The following PDSS1 variants were observed in gnomAD, a reference collection of about 807,000 sequenced individuals.
The protein encoded by PDSS1 is all trans-polyprenyl-diphosphate synthase PDSS1.
PDSS1 carries 43 observed loss-of-function variants against 57.5 expected under a neutral mutation model. The ratio of observed to expected loss-of-function variants is 0.75; its 90% confidence interval spans 0.59 to 0.96. PDSS1 has a LOEUF of 0.96. PDSS1 is among the 50% of genes least tolerant of loss of function. The pLI, the probability that PDSS1 is intolerant of heterozygous loss-of-function variation, is 0.00. For synonymous variants in PDSS1, 175 were observed against 191.3 expected, an observed-to-expected ratio of 0.91 and a Z score of 0.70; for missense variants, 438 against 527.8, an observed-to-expected ratio of 0.83 and a Z score of 1.67.
chr10:26,726,332 A>G (rs1835947205), intron 8 of PDSS1, among the ~76,000 whole-genome samples: 1 of 152,186 alleles, frequency 6.6e-6, no homozygotes, highest in South Asian at 2.1e-4. Flanking sequence ...CCTCCTTTTC[A>G]TGTGGTTTAT....
chr10:26,706,114 C>T (rs950459499), intron 4 of PDSS1, among the ~76,000 whole-genome samples: 4 of 152,208 alleles, frequency 2.6e-5, no homozygotes, highest in Non-Finnish European at 4.4e-5. Flanking sequence ...TAGTTCCCAA[C>T]CTCACGTGGT....
At chr10:26,739,607 T>C (rs919379930) in intron 10 of PDSS1, among the ~76,000 whole-genome samples, 1 of 152,238 alleles carries the variant, frequency 6.6e-6, no homozygotes, top group Non-Finnish European at 1.5e-5. Flanking sequence ...AAAAAGCTTA[T>C]ACATCATAAA....
intron 8 of PDSS1, among the ~76,000 whole-genome samples, chr10:26,728,772 ATCTTTTTT>A (rs1017932952): frequency 7.6e-5 from 6 of 79,168 alleles, no homozygotes; most frequent in African/African-American, 2.9e-4. Context: ...TTTATTCTGT[ATCTTTTTT>A]TTTTTTTTTT....
intron 5 of PDSS1, 88 bp from the exon 6 acceptor site, chr10:26,720,130 C>A: frequency 1.3e-6 from 2 of 1,585,408 alleles, no homozygotes; most frequent in East Asian, 2.3e-5. Context: ...CATTCTTTAT[C>A]CTAGATCCGA....
In PDSS1 at chr10:26,702,152, G is replaced by T. The variant is rs551306397; in HGVS notation, c.130-10G>T. The T allele has an allele frequency of 1.1e-3, 500 of 456,226 alleles. 2 individuals carry two copies. Among genetic ancestry groups the T allele is most frequent in the Non-Finnish European group, 1.8e-3 (406 of 226,384 alleles). 28.3% of individuals were successfully genotyped at this position (456,226 alleles called of 1,614,324 possible). The stretch of plus-strand genomic sequence containing the variant: ...CTTGGATGTAACGTAACTTGTTTTT[G>T]ATTTTACAGGTTCATAGGCGGAAGG... On this transcript the variant is annotated splice_polypyrimidine_tract_variant and intron_variant, in intron 1 of 11. Transcript: ENST00000376215.
chr10:26,735,305 A>G lies in PDSS1; in HGVS notation c.897A>G (p.Val299=). ...TCGCCTATCAGTACGGAAAAAATGT[A>G]GGAATAGCTTTTCAGGTTAGTATGC... ...HEIAYQYGKN[V]GIAFQLIDDV... The change falls in exon 9 of 12, where the codon GTA becomes GTG. Residue 299 remains valine, a synonymous_variant. Transcript: ENST00000376215. 1 of 1,610,984 alleles carries G rather than the reference A, an allele frequency of 6.2e-7. No individual in the cohort carries two copies. The highest frequency in any genetic ancestry group is 1.1e-5 in the South Asian group (1 of 91,016).
At position 26,724,253 on chromosome 10, in the gene PDSS1, A is replaced by G; in HGVS notation, c.831+130A>G. Reference sequence around the variant, plus strand: ...AAATCCCAAGAGGTTAATGAGGAAAAGAATGACATCCCCAAACAATAGAGG... The same window carrying G: ...AAATCCCAAGAGGTTAATGAGGAAAGGAATGACATCCCCAAACAATAGAGG... On this transcript the variant is annotated intron_variant, in intron 8 of 11. Coordinates refer to ENST00000376215, the MANE Select transcript of PDSS1 (RefSeq NM_014317.5). The G allele has an allele frequency of 5.5e-6, 4 of 722,236 alleles. No homozygotes were observed. In the South Asian group the frequency reaches 6.1e-5, roughly 11 times the overall value. The allele number at this position is 722,236 out of a possible 1,614,324, so 44.7% of individuals were successfully genotyped here.
intron 8 of PDSS1, 64 bp from the exon 9 acceptor site, chr10:26,735,176 C>T: frequency 5.4e-6 from 6 of 1,109,374 alleles, no homozygotes; most frequent in Non-Finnish European, 8.3e-6. Flanking sequence ...TTCCTTCAGC[C>T]AGGGGTCAGC....
chr10:26,727,139 A>G (rs1043988661), intron 8 of PDSS1, among the ~76,000 whole-genome samples: 2 of 152,000 alleles, frequency 1.3e-5, no homozygotes, highest in Non-Finnish European at 2.9e-5. Context: ...CACTTGCAAA[A>G]TACATTTTGT....
chr10:26,724,477 T>C (rs1835890354), intron 8 of PDSS1, among the ~76,000 whole-genome samples: 1 of 152,236 alleles, frequency 6.6e-6, no homozygotes, highest in Non-Finnish European at 1.5e-5. Flanking sequence ...ACACTTCACC[T>C]TTTAGAAATG....
rs116345129 is a variant in PDSS1 at position 26,727,987 on chromosome 10, C to T, written c.831+3864C>T. ...AATACCACAAGAGCGGTGCTGTCCT[C>T]AGCTCCTCATACCAGGAGGCGCGTG... On this transcript the variant is annotated intron_variant, in intron 8 of 11. Coordinates refer to ENST00000376215, the MANE Select transcript of PDSS1 (RefSeq NM_014317.5). Among the ~76,000 whole-genome samples, 392 of 152,326 alleles carry T rather than the reference C, an allele frequency of 2.6e-3. 1 individual carries two copies. The highest frequency in any genetic ancestry group is 8.9e-3 in the African/African-American group (369 of 41,574).
At chr10:26,731,675 G>A (rs1836204234) in intron 8 of PDSS1, among the ~76,000 whole-genome samples, 1 of 152,184 alleles carries the variant, frequency 6.6e-6, no homozygotes, top group African/African-American at 2.4e-5. Flanking sequence ...AACTAAATGT[G>A]CCATTACACG....
At chr10:26,709,409 A>C (rs1835346584) in intron 4 of PDSS1, among the ~76,000 whole-genome samples, 1 of 152,070 alleles carries the variant, frequency 6.6e-6, no homozygotes, top group Non-Finnish European at 1.5e-5. Context: ...AAAATACAAA[A>C]AATTAGCCAG....
At chr10:26,706,725 G>T (rs1030888565) in intron 4 of PDSS1, among the ~76,000 whole-genome samples, 1 of 152,186 alleles carries the variant, frequency 6.6e-6, no homozygotes, top group East Asian at 1.9e-4. Context: ...TTGCACTGGG[G>T]CCCCCTTTCC....
intron 6 of PDSS1, among the ~76,000 whole-genome samples, chr10:26,723,204 G>C (rs1040679152): frequency 6.6e-6 from 1 of 152,106 alleles, no homozygotes; most frequent in Non-Finnish European, 1.5e-5. Context: ...CTGAGGGATC[G>C]GGGGGAACTT....
chr10:26,711,431 A>C (rs1177146519), intron 5 of PDSS1, among the ~76,000 whole-genome samples: 2 of 99,288 alleles, frequency 2.0e-5, no homozygotes, highest in Non-Finnish European at 4.7e-5. Flanking sequence ...TGTCCAGTAC[A>C]TATTGCCATG....
intron 5 of PDSS1, among the ~76,000 whole-genome samples, chr10:26,719,752 C>A (rs747878630): frequency 5.3e-5 from 8 of 152,096 alleles, no homozygotes; most frequent in Non-Finnish European, 1.2e-4. Flanking sequence ...GGTGACAGAG[C>A]GAGACCCTGT....
chr10:26,707,859 T>G (rs1225278557), intron 4 of PDSS1, among the ~76,000 whole-genome samples: 3 of 152,222 alleles, frequency 2.0e-5, no homozygotes, highest in African/African-American at 7.2e-5. Context: ...GAGTTGTTTG[T>G]TCTGCTGTTT....
rs115488116 is a variant in PDSS1, at chr10:26,709,839, T to G, written c.467+71T>G. 770 of 1,499,152 alleles carry G rather than the reference T, an allele frequency of 5.1e-4. 2 individuals are homozygous for G. In the African/African-American group the frequency reaches 9.3e-3, roughly 18 times the overall value. 92.9% of individuals were successfully genotyped at this position (1,499,152 alleles called of 1,614,324 possible). On this transcript the variant is annotated intron_variant, in intron 5 of 11. Coordinates refer to ENST00000376215, the MANE Select transcript of PDSS1 (RefSeq NM_014317.5). ...TCTTTCTTCCCGGGGTTACTTACTG[T>G]TTCATTTCCCATTTAAGAATTAGCA...
Sources: allele counts gnomAD v4.1 joint callset (sites outside exome capture counted in the v4.1 genomes callset), GRCh38; gene constraint gnomAD v4.1.1; transcripts MANE v1.5; gene names NCBI Gene and HGNC (gene_info 2026-07-23, HGNC 2026-07-21).